The following PEX7 variants were observed in gnomAD, a reference collection of about 807,000 sequenced individuals.
PEX7 encodes the protein peroxisomal biogenesis factor 7, also known as PTS2 receptor.
In PEX7, 34 loss-of-function variants were observed where a neutral mutation model predicts 47.5. The observed-to-expected ratio is 0.72, with a 90% CI of 0.54 to 0.95. The LOEUF (loss-of-function observed/expected upper bound fraction) is 0.95, where lower values mean the gene tolerates loss of function less well. Among genes scored for constraint, PEX7 ranks in the 40% least tolerant of loss-of-function variants. The pLI is 0.00. For synonymous variants in PEX7, 141 were observed against 148.8 expected (o/e 0.95, Z 0.38); for missense variants, 394 against 400.3 (o/e 0.98, Z 0.13).
At chr6:136,847,535 A>G (rs1196628164) in intron 5 of PEX7, among the ~76,000 whole-genome samples, 1 of 149,050 alleles carries the variant, frequency 6.7e-6, no homozygotes, top group Non-Finnish European at 1.5e-5. Context: ...GGTGTAAGGA[A>G]GGGATCCAGT....
intron 8 of PEX7, among the ~76,000 whole-genome samples, chr6:136,891,160 G>A (rs1050147873): frequency 3.3e-5 from 5 of 152,184 alleles, no homozygotes; most frequent in African/African-American, 1.2e-4. Context: ...AATACTCTCA[G>A]AGCAGGCCTT....
At chr6:136,877,892 G>T (rs1775304230) in intron 8 of PEX7, among the ~76,000 whole-genome samples, 1 of 152,128 alleles carries the variant, frequency 6.6e-6, no homozygotes, top group African/African-American at 2.4e-5. Flanking sequence ...AATTACTTTG[G>T]GTGGTATGGT....
intron 5 of PEX7, among the ~76,000 whole-genome samples, chr6:136,857,216 C>T (rs1033720911): frequency 2.0e-5 from 3 of 152,198 alleles, no homozygotes; most frequent in Non-Finnish European, 4.4e-5. Flanking sequence ...GTGCTTAGAT[C>T]TTCTTTGCTT....
intron 5 of PEX7, among the ~76,000 whole-genome samples, chr6:136,857,145 A>G (rs759821453): frequency 6.6e-6 from 1 of 152,216 alleles, no homozygotes; most frequent in Non-Finnish European, 1.5e-5. Flanking sequence ...TGCCTTAGCC[A>G]TTTCAGAGAC....
At chr6:136,906,446 A>G (rs1282723425) in intron 9 of PEX7, among the ~76,000 whole-genome samples, 1 of 152,064 alleles carries the variant, frequency 6.6e-6, no homozygotes, top group Non-Finnish European at 1.5e-5. Context: ...TTAGAAAATA[A>G]AATGGGAAAA....
At chr6:136,827,106 C>T (rs778113803) in intron 3 of PEX7, among the ~76,000 whole-genome samples, 1 of 152,188 alleles carries the variant, frequency 6.6e-6, no homozygotes, top group Non-Finnish European at 1.5e-5. Flanking sequence ...GGGAGCAGTA[C>T]ATCCTTCAGA....
chr6:136,909,541 T>G (rs1190119316), intron 9 of PEX7, among the ~76,000 whole-genome samples: 1 of 152,192 alleles, frequency 6.6e-6, no homozygotes, highest in Non-Finnish European at 1.5e-5. Context: ...AGTTCCTACA[T>G]AGCAACCTTG....
chr6:136,840,175 A>T (rs1413667129), intron 3 of PEX7, among the ~76,000 whole-genome samples: 1 of 152,208 alleles, frequency 6.6e-6, no homozygotes, highest in African/African-American at 2.4e-5. Flanking sequence ...TATTTTATAC[A>T]TTATAAAATA....
chr6:136,826,220 T>A, intron 2 of PEX7, 99 bp from the exon 3 acceptor site: 1 of 1,335,502 alleles, frequency 7.5e-7, no homozygotes, highest in Non-Finnish European at 1.1e-6. Context: ...AAATGTGTGA[T>A]AAATTGAAAG....
At chr6:136,856,008 C>T (rs2115192244) in intron 5 of PEX7, among the ~76,000 whole-genome samples, 1 of 152,246 alleles carries the variant, frequency 6.6e-6, no homozygotes, top group Middle Eastern at 3.4e-3. Flanking sequence ...CTTTGTGTAG[C>T]ATGGAATACA....
At chr6:136,903,514 A>G (rs972051264) in intron 9 of PEX7, among the ~76,000 whole-genome samples, 18 of 151,820 alleles carry the variant, frequency 1.2e-4, no homozygotes, top group African/African-American at 3.4e-4. Context: ...GAATCTGTCC[A>G]TGCTAGGAAC....
At position 136,897,706 on chromosome 6, in the gene PEX7, T is replaced by C. The variant is rs566927507; in HGVS notation, c.804-436T>C. Among the ~76,000 whole-genome samples the C allele has an allele frequency of 4.9e-4, 75 of 152,336 alleles. 1 individual carries two copies. Among genetic ancestry groups the C allele is most frequent in the African/African-American group, 1.8e-3 (75 of 41,594 alleles). On this transcript the variant is annotated intron_variant, in intron 8 of 9. Coordinates refer to ENST00000318471, the MANE Select transcript of PEX7 (RefSeq NM_000288.4). ...AGCCTAAGATCTTTCATGTCAATTG[T>C]TGAGAAATGAAGTCATATTTAAAAT...
At chr6:136,863,985 G>T (rs762798545) in intron 5 of PEX7, among the ~76,000 whole-genome samples, 2 of 152,184 alleles carry the variant, frequency 1.3e-5, no homozygotes, top group Non-Finnish European at 2.9e-5. Flanking sequence ...CAGTGTAGTT[G>T]TAAAGCTGTA....
intron 1 of PEX7, 113 bp from the exon 2 acceptor site, chr6:136,825,101 T>A: frequency 1.1e-6 from 1 of 877,472 alleles, no homozygotes; most frequent in Non-Finnish European, 1.9e-6. Flanking sequence ...CCCAAATACT[T>A]TGGGGAAAAA....
At chr6:136,853,641 C>G (rs1004226717) in intron 5 of PEX7, among the ~76,000 whole-genome samples, 1 of 152,004 alleles carries the variant, frequency 6.6e-6, no homozygotes, top group Non-Finnish European at 1.5e-5. Flanking sequence ...GTTGAAAATA[C>G]TCAGAAATGG....
chr6:136,846,912 G>A (rs1319590080), intron 5 of PEX7, among the ~76,000 whole-genome samples: 3 of 152,120 alleles, frequency 2.0e-5, no homozygotes, highest in Admixed American at 1.3e-4. Flanking sequence ...TTGAGGAATC[G>A]CCACACTGTC....
At chr6:136,908,474 C>T (rs1027236001) in intron 9 of PEX7, among the ~76,000 whole-genome samples, 1 of 151,770 alleles carries the variant, frequency 6.6e-6, no homozygotes, top group African/African-American at 2.4e-5. Context: ...TTAATTCTGA[C>T]TTTGATGAAA....
chr6:136,891,547 C>CA (rs960422069), intron 8 of PEX7, among the ~76,000 whole-genome samples: 3 of 150,932 alleles, frequency 2.0e-5, no homozygotes, highest in African/African-American at 7.3e-5. Context: ...GTTCCAAAAC[C>CA]AAAAAACAGT....
At chr6:136,899,370 G>A (rs905006017) in intron 9 of PEX7, among the ~76,000 whole-genome samples, 28 of 152,028 alleles carry the variant, frequency 1.8e-4, no homozygotes, top group African/African-American at 6.8e-4. Context: ...AGCCTCCTGA[G>A]TAGCTGGGAT....
Sources: allele counts gnomAD v4.1 joint callset (sites outside exome capture counted in the v4.1 genomes callset), GRCh38; gene constraint gnomAD v4.1.1; transcripts MANE v1.5; gene names NCBI Gene and HGNC (gene_info 2026-07-23, HGNC 2026-07-21).